TAOK3: variants seen among roughly 807,000 people sequenced by gnomAD.
TAOK3 encodes the protein TAO kinase 3.
Under a neutral mutation model 120.4 loss-of-function variants are expected in TAOK3, and 40 were observed. That is an observed-to-expected ratio of 0.33 (90% CI 0.26 to 0.43). The LOEUF is 0.43. TAOK3 is among the 20% of genes least tolerant of loss of function. The pLI is 1.00. For synonymous variants in TAOK3, 355 were observed against 387.5 expected (o/e 0.92, Z 0.99); for missense variants, 821 against 1,112.1 (o/e 0.74, Z 3.72).
At chr12:118,158,572 C>T (rs1434270897) in intron 19 of TAOK3, among the ~76,000 whole-genome samples, 6 of 152,152 alleles carry the variant, frequency 3.9e-5, no homozygotes, top group Admixed American at 1.3e-4. Flanking sequence ...CTATTCTTGC[C>T]TCCTAAATAT....
At chr12:118,208,726 T>A (rs1262604840) in intron 11 of TAOK3, among the ~76,000 whole-genome samples, 2 of 152,312 alleles carry the variant, frequency 1.3e-5, no homozygotes, top group East Asian at 3.9e-4. Flanking sequence ...TTATTTATTT[T>A]TTTGAGATGG....
chr12:118,241,325 T>C (rs1343944837), intron 5 of TAOK3, among the ~76,000 whole-genome samples: 2 of 152,100 alleles, frequency 1.3e-5, no homozygotes, highest in East Asian at 1.9e-4. Context: ...CTAGCCTTTA[T>C]GTGCCCTACT....
chr12:118,180,835 A>T (rs2036668647), intron 15 of TAOK3, among the ~76,000 whole-genome samples: 1 of 151,696 alleles, frequency 6.6e-6, no homozygotes, highest in Non-Finnish European at 1.5e-5. Flanking sequence ...TACTCAGAAT[A>T]TACATAAGTA....
chr12:118,180,046 C>G (rs905080621), intron 15 of TAOK3, among the ~76,000 whole-genome samples: 30 of 149,064 alleles, frequency 2.0e-4, no homozygotes, highest in African/African-American at 6.9e-4. Context: ...CTCCCAGGTT[C>G]AAGCGATTCT....
intron 2 of TAOK3, among the ~76,000 whole-genome samples, chr12:118,261,956 G>A: frequency 6.6e-6 from 1 of 152,060 alleles, no homozygotes; most frequent in Non-Finnish European, 1.5e-5. Context: ...TGCCTCCCGG[G>A]TTCCAGCAAT....
chr12:118,352,954 T>C (rs953842074), intron 1 of TAOK3, among the ~76,000 whole-genome samples: 1 of 152,098 alleles, frequency 6.6e-6, no homozygotes, highest in African/African-American at 2.4e-5. Flanking sequence ...AGGTGATCCA[T>C]TTACCTTGAC....
rs1214763798 is a variant in TAOK3 at position 118,308,960 on chromosome 12, G to T, written c.-193-42201C>A. 3.3e-5 allele frequency among the ~76,000 whole-genome samples: 3 copies of T among 90,018 alleles called. No homozygotes were observed. The South Asian group carries it at 1.0e-3, about 31-fold the overall frequency. 59.1% of individuals were successfully genotyped at this position (90,018 alleles called of 152,430 possible). A position where few individuals can be genotyped will look rare whatever the true frequency, so the allele number is the denominator to read the frequency against. ...AAAAAAAAAAAAAAAAAAAAAAAAA[G>T]CCTGTATGGTTGTAATTAATTGAGC... On this transcript the variant is annotated intron_variant, in intron 1 of 20. Transcript: ENST00000392533.
At chr12:118,369,723 C>T (rs900246680) in intron 1 of TAOK3, among the ~76,000 whole-genome samples, 4 of 151,788 alleles carry the variant, frequency 2.6e-5, no homozygotes, top group Non-Finnish European at 5.9e-5. Flanking sequence ...TACTTGAATT[C>T]GATCTAGCAT....
chr12:118,203,384 G>T (rs897948413), intron 11 of TAOK3, among the ~76,000 whole-genome samples: 4 of 151,970 alleles, frequency 2.6e-5, no homozygotes, highest in African/African-American at 9.7e-5. Context: ...TAGTTTCTCA[G>T]CCCATAGCAG....
chr12:118,212,149 C>CTTAAAAACG (rs2038664987), intron 11 of TAOK3, among the ~76,000 whole-genome samples: 1 of 152,016 alleles, frequency 6.6e-6, no homozygotes, highest in South Asian at 2.1e-4. Flanking sequence ...CTTCTGAGTT[C>CTTAAAAACG]TTCTTAAAAA....
intron 1 of TAOK3, among the ~76,000 whole-genome samples, chr12:118,279,462 G>C (rs1441637344): frequency 6.7e-6 from 1 of 150,358 alleles, no homozygotes; most frequent in Non-Finnish European, 1.5e-5. Context: ...AATTGCTTTT[G>C]GTGTCTTCAT....
intron 1 of TAOK3, among the ~76,000 whole-genome samples, chr12:118,291,313 T>C (rs1312028416): frequency 1.3e-5 from 2 of 151,522 alleles, no homozygotes; most frequent in African/African-American, 4.9e-5. Flanking sequence ...TCTGCCACCA[T>C]GCCCAGCTAA....
intron 1 of TAOK3, among the ~76,000 whole-genome samples, chr12:118,317,481 G>T (rs2043518950): frequency 1.3e-5 from 2 of 151,754 alleles, no homozygotes; most frequent in African/African-American, 4.8e-5. Flanking sequence ...TGTATTTTTA[G>T]TAGAGACGGG....
At chr12:118,252,180 G>A (rs1291503263) in intron 3 of TAOK3, among the ~76,000 whole-genome samples, 1 of 152,144 alleles carries the variant, frequency 6.6e-6, no homozygotes, top group Non-Finnish European at 1.5e-5. Context: ...GAGAGATTCT[G>A]AGAAGATGAA....
intron 1 of TAOK3, among the ~76,000 whole-genome samples, chr12:118,349,764 T>A (rs2045053816): frequency 6.6e-6 from 1 of 152,164 alleles, no homozygotes; most frequent in African/African-American, 2.4e-5. Flanking sequence ...TAAAATTTTA[T>A]CTAAATTAAA....
chr12:118,267,383 G>A (rs1001667463), intron 1 of TAOK3, among the ~76,000 whole-genome samples: 2 of 151,652 alleles, frequency 1.3e-5, no homozygotes, highest in East Asian at 4.0e-4. Context: ...CCTGGCTAAT[G>A]TTTGTATTTT....
intron 3 of TAOK3, among the ~76,000 whole-genome samples, chr12:118,248,014 C>G (rs777991002): frequency 6.6e-6 from 1 of 152,104 alleles, no homozygotes; most frequent in African/African-American, 2.4e-5. Flanking sequence ...AATTCATTCA[C>G]TGATAAAGTC....
At chr12:118,283,123 T>C (rs1439980198) in intron 1 of TAOK3, among the ~76,000 whole-genome samples, 1 of 152,210 alleles carries the variant, frequency 6.6e-6, no homozygotes, top group Non-Finnish European at 1.5e-5. Flanking sequence ...CTACAAAATA[T>C]TATTCTTCTC....
rs183119042 is a variant in TAOK3, at chr12:118,255,635, T to G, written c.-68A>C. The G allele has an allele frequency of 0.019, 28,953 of 1,503,138 alleles. 755 individuals carry two copies. The highest frequency in any genetic ancestry group is 0.097 in the South Asian group (7,293 of 75,340). 93.1% of individuals were successfully genotyped at this position (1,503,138 alleles called of 1,614,324 possible). On this transcript the variant is annotated 5_prime_UTR_variant, in exon 3 of 21. Transcript: ENST00000392533. ...TTTATTTCTCATTGACAATTTTTTT[T>G]GGGGGGTAAATCTTCAGTACCTGTA...
Sources: gnomAD v4.1 joint callset for allele counts (sites outside exome capture counted in the v4.1 genomes callset) on GRCh38, gnomAD v4.1.1 for gene constraint, MANE v1.5 for transcripts, NCBI Gene and HGNC (gene_info 2026-07-23, HGNC 2026-07-21) for gene names.